CSMD1: variants seen among roughly 807,000 people sequenced by gnomAD.
CSMD1 encodes CUB and sushi domain-containing protein 1.
In CSMD1, 213 loss-of-function variants were observed where a neutral mutation model predicts 417.5. The observed-to-expected ratio is 0.51, with a 90% CI of 0.46 to 0.57. The LOEUF is 0.57. CSMD1 is among the 20% of genes least tolerant of loss of function. CSMD1 has a pLI of 0.00. For synonymous variants in CSMD1, 2,862 were observed against 1,736.8 expected (o/e 1.65, Z -16.11); for missense variants, 6,923 against 4,529.7 (o/e 1.53, Z -15.17).
intron 3 of CSMD1, among the ~76,000 whole-genome samples, chr8:4,328,154 T>C (rs920284822): frequency 6.6e-6 from 1 of 152,088 alleles, no homozygotes; most frequent in Non-Finnish European, 1.5e-5. Context: ...AGATGTTAAA[T>C]GCCTCATTCG....
At chr8:4,127,387 A>G (rs2680611) in intron 3 of CSMD1, among the ~76,000 whole-genome samples, 14,154 of 151,190 alleles carry the variant, frequency 0.094, 826 homozygotes, top group Non-Finnish European at 0.13. Flanking sequence ...CTGAAAAAAA[A>G]TCTCCAATCT....
chr8:4,918,427 G>C (rs1300824092), intron 1 of CSMD1, among the ~76,000 whole-genome samples: 3 of 151,892 alleles, frequency 2.0e-5, no homozygotes, highest in Admixed American at 6.6e-5. Context: ...TCCTCCTCTT[G>C]TCCTTCTGTA....
In CSMD1 at chr8:3,354,811, C is replaced by G. The variant is rs7820588; in HGVS notation, c.3304+4341G>C. Among the ~76,000 whole-genome samples, 50 of 146,848 alleles carry G rather than the reference C, an allele frequency of 3.4e-4. 1 individual carries two copies. The highest frequency in any genetic ancestry group is 1.3e-3 in the African/African-American group (50 of 39,250). On this transcript the variant is annotated intron_variant, in intron 21 of 69. Coordinates refer to ENST00000635120, the MANE Select transcript of CSMD1 (RefSeq NM_033225.6). ...ATATATCACTAAACTCTCTCTCTCT[C>G]TATATATATCTATAGATACATATAT...
chr8:4,782,392 T>C (rs1297557780), intron 1 of CSMD1, among the ~76,000 whole-genome samples: 1 of 152,162 alleles, frequency 6.6e-6, no homozygotes, highest in African/African-American at 2.4e-5. Context: ...ATTATGTAGG[T>C]CAATTAAAAA....
chr8:4,384,341 C>A (rs74982883), intron 3 of CSMD1, among the ~76,000 whole-genome samples: 1 of 152,120 alleles, frequency 6.6e-6, no homozygotes, highest in African/African-American at 2.4e-5. Flanking sequence ...AACGCACACA[C>A]CACAATGCAA....
At chr8:4,022,086 C>CAT (rs1491473407) in intron 4 of CSMD1, among the ~76,000 whole-genome samples, 1 of 112,578 alleles carries the variant, frequency 8.9e-6, no homozygotes, top group Admixed American at 1.0e-4. Flanking sequence ...AGCATGTATC[C>CAT]ACACACACAC....
intron 33 of CSMD1, among the ~76,000 whole-genome samples, chr8:3,198,281 A>G (rs2116709853): frequency 6.6e-6 from 1 of 152,322 alleles, no homozygotes; most frequent in South Asian, 2.1e-4. Context: ...AAGGTCAGTC[A>G]CTTTAGTGTT....
At chr8:3,950,716 C>A (rs117936304) in intron 5 of CSMD1, among the ~76,000 whole-genome samples, 4 of 149,968 alleles carry the variant, frequency 2.7e-5, no homozygotes, top group African/African-American at 9.9e-5. Flanking sequence ...AAAACTTCTT[C>A]CTCAAAATGT....
intron 3 of CSMD1, among the ~76,000 whole-genome samples, chr8:4,060,842 T>G (rs755394582): frequency 6.6e-6 from 1 of 152,254 alleles, no homozygotes; most frequent in Admixed American, 6.5e-5. Flanking sequence ...GCATTAATCA[T>G]GTAAGGTTAG....
At chr8:4,663,072 A>C (rs2130925403) in intron 1 of CSMD1, among the ~76,000 whole-genome samples, 1 of 152,318 alleles carries the variant, frequency 6.6e-6, no homozygotes, top group African/African-American at 2.4e-5. Flanking sequence ...GAGAGAGTCA[A>C]GTAAGCCAAC....
At chr8:4,412,245 C>G (rs1347526509) in intron 3 of CSMD1, among the ~76,000 whole-genome samples, 1 of 152,118 alleles carries the variant, frequency 6.6e-6, no homozygotes, top group Non-Finnish European at 1.5e-5. Context: ...TAGGAGGTGA[C>G]TAGATCATGG....
chr8:3,025,268 G>T (rs561901104), intron 51 of CSMD1, among the ~76,000 whole-genome samples: 1 of 151,872 alleles, frequency 6.6e-6, no homozygotes, highest in African/African-American at 2.4e-5. Context: ...TTCTGAAACT[G>T]TGTATTGTGT....
chr8:3,191,398 G>C (rs1796414954), intron 33 of CSMD1, among the ~76,000 whole-genome samples: 2 of 152,174 alleles, frequency 1.3e-5, no homozygotes, highest in African/African-American at 4.8e-5. Flanking sequence ...ATAAGTTGCA[G>C]TGAGCCAAGA....
chr8:3,350,881 G>A (rs139330708), intron 21 of CSMD1, among the ~76,000 whole-genome samples: 3 of 152,066 alleles, frequency 2.0e-5, no homozygotes, highest in African/African-American at 7.2e-5. Context: ...ATAATAAATG[G>A]TAGTAACTAA....
At chr8:3,300,388 T>G (rs1255027897) in intron 25 of CSMD1, among the ~76,000 whole-genome samples, 1 of 152,108 alleles carries the variant, frequency 6.6e-6, no homozygotes, top group Non-Finnish European at 1.5e-5. Flanking sequence ...ACTTTATTAT[T>G]TTAAAATTAA....
intron 10 of CSMD1, among the ~76,000 whole-genome samples, chr8:3,552,996 C>A (rs985951251): frequency 2.6e-5 from 4 of 151,984 alleles, no homozygotes; most frequent in African/African-American, 4.8e-5. Flanking sequence ...TTAGACCTGT[C>A]ACGTACTGTC....
At chr8:4,774,194 T>C (rs1279172922) in intron 1 of CSMD1, among the ~76,000 whole-genome samples, 4 of 152,104 alleles carry the variant, frequency 2.6e-5, no homozygotes, top group Admixed American at 2.6e-4. Context: ...AGCGAGGCTG[T>C]CTCAAAAAAT....
intron 52 of CSMD1, among the ~76,000 whole-genome samples, chr8:3,003,758 G>A (rs1214990312): frequency 3.9e-5 from 6 of 152,190 alleles, no homozygotes; most frequent in Non-Finnish European, 7.3e-5. Flanking sequence ...CAGCCATGCT[G>A]AGGACCAGGA....
chr8:3,383,637 C>G (rs1456711870), intron 18 of CSMD1, among the ~76,000 whole-genome samples: 1 of 152,032 alleles, frequency 6.6e-6, no homozygotes, highest in Non-Finnish European at 1.5e-5. Context: ...AGGAGAAGAA[C>G]AACTCCAGAA....
Sources: gnomAD v4.1 joint callset for allele counts (sites outside exome capture counted in the v4.1 genomes callset) on GRCh38, gnomAD v4.1.1 for gene constraint, MANE v1.5 for transcripts, NCBI Gene and HGNC (gene_info 2026-07-23, HGNC 2026-07-21) for gene names.